Variants in SUN1 observed in about 807,000 individuals in gnomAD.
SUN1 encodes the protein SUN domain-containing protein 1.
SUN1 carries 61 observed loss-of-function variants against 103.2 expected under a neutral mutation model. The ratio of observed to expected loss-of-function variants is 0.59; its 90% CI spans 0.48 to 0.73. The LOEUF (loss-of-function observed/expected upper bound fraction) is 0.73. SUN1 is among the 30% of genes least tolerant of loss of function. The pLI, the probability that SUN1 is intolerant of heterozygous loss-of-function variation, is 0.00. For synonymous variants in SUN1, 490 were observed against 425.7 expected (o/e 1.15, Z -1.86); for missense variants, 1,052 against 1,034.6 (o/e 1.02, Z -0.23).
At chr7:816,082 C>G (rs566992533), upstream of SUN1, among the ~76,000 whole-genome samples, 78 of 150,700 alleles carry the variant, frequency 5.2e-4, no homozygotes, top group Non-Finnish European at 1.1e-3. Flanking sequence ...ACGCCCTCCC[C>G]CAGATGCACA....
chr7:852,530 T>A, intron 7 of SUN1, 79 bp from the exon 8 acceptor site: 1 of 1,580,260 alleles, frequency 6.3e-7, no homozygotes, highest in Non-Finnish European at 8.7e-7. Context: ...TTGCACAAAA[T>A]TATCTAGAGG....
Position 852,845 on chromosome 7 carries a change from T to C in SUN1, c.946T>C (p.Ser316Pro), listed in dbSNP as rs990569721. 6.2e-7 allele frequency: 1 copy of C among 1,613,728 alleles called. No individual in the cohort carries two copies. Among genetic ancestry groups the C allele is most frequent in the Admixed American group, 1.7e-5 (1 of 59,990 alleles). ...CTTACGGGGCCAGGGCAATTTCTTT[T>C]CGTTCTTGCCCGTGTTGAACTGGGC... ...LSLRGQGNFF[S>P]FLPVLNWASM... is the part of the protein sequence containing the mutation. The change falls in exon 9 of 19, where the codon TCG becomes CCG. Residue 316 changes from serine (S) to proline (P), a missense_variant. Transcript: ENST00000401592.
chr7:822,317 C>T (rs1299775963), intron 1 of SUN1, among the ~76,000 whole-genome samples: 1 of 152,124 alleles, frequency 6.6e-6, no homozygotes, highest in Non-Finnish European at 1.5e-5. Context: ...CATTTAGTCG[C>T]TTAGGGGCAT....
In SUN1 at chr7:873,308, G is replaced by C; in HGVS notation, c.2335G>C (p.Val779Leu). The C allele has an allele frequency of 1.2e-6, 2 of 1,614,156 alleles. No individual in the cohort carries two copies. The highest frequency in any genetic ancestry group is 1.7e-6 in the Non-Finnish European group (2 of 1,180,000). ...GTATACCTGTCTGTATCGGTTCAGAGTTCATGGCGAACCTGTCAAGTGAAG... is the reference window on the plus strand; with the variant it reads ...GTATACCTGTCTGTATCGGTTCAGACTTCATGGCGAACCTGTCAAGTGAAG... ...PEYTCLYRFR[V>L]HGEPVK The change falls in exon 19 of 19, where the codon GTT becomes CTT. Residue 779 changes from valine (V) to leucine (L), a missense_variant. Coordinates refer to ENST00000401592, the MANE Select transcript of SUN1 (RefSeq NM_001130965.3).
At chr7:828,776 G>C (rs1052809040), upstream of SUN1, among the ~76,000 whole-genome samples, 2 of 152,174 alleles carry the variant, frequency 1.3e-5, no homozygotes, top group African/African-American at 4.8e-5. Flanking sequence ...CTCTAGTGTC[G>C]ATGGCTCTCC....
intron 16 of SUN1, among the ~76,000 whole-genome samples, chr7:867,660 C>G (rs968548630): frequency 2.0e-5 from 3 of 152,212 alleles, no homozygotes; most frequent in Non-Finnish European, 2.9e-5. Flanking sequence ...TCACCAATCA[C>G]TGTGCTGGGA....
intron 1 of SUN1, among the ~76,000 whole-genome samples, chr7:824,864 G>T (rs536984153): frequency 2.0e-5 from 3 of 152,066 alleles, no homozygotes; most frequent in Admixed American, 2.0e-4. Context: ...CGGGTGCGGG[G>T]TGGGGGCGTC....
intron 1 of SUN1, 44 bp from the exon 2 acceptor site, chr7:838,754 G>A: frequency 6.9e-7 from 1 of 1,457,178 alleles, no homozygotes; most frequent in Non-Finnish European, 9.1e-7. Flanking sequence ...TTCAGAATGG[G>A]GGCTATAAGC....
intron 16 of SUN1, among the ~76,000 whole-genome samples, chr7:868,306 C>G (rs1049137775): frequency 1.3e-5 from 2 of 152,260 alleles, no homozygotes; most frequent in East Asian, 3.8e-4. Context: ...GCGAACAGTG[C>G]TCTCCGGTCA....
chr7:822,307 C>T (rs1035355111), intron 1 of SUN1, among the ~76,000 whole-genome samples: 1 of 152,182 alleles, frequency 6.6e-6, no homozygotes, highest in African/African-American at 2.4e-5. Context: ...CTTTGGTTTT[C>T]ATTTAGTCGC....
In SUN1 at chr7:843,237, T is replaced by C. The variant is rs1401149899; in HGVS notation, c.478+5T>C. The C allele has an allele frequency of 6.2e-7, 1 of 1,609,842 alleles. No individual in the cohort carries two copies. Among genetic ancestry groups the C allele is most frequent in the Admixed American group, 1.7e-5 (1 of 59,710 alleles). On this transcript the variant is annotated splice_donor_5th_base_variant and intron_variant, in intron 4 of 18. Transcript: ENST00000401592. ...ATGATGATGGTGATCTTAAAGGTAA[T>C]TATTTTAGTCCTTTTATCTTCATAT...
intron 1 of SUN1, chr7:817,639 C>T (rs1782046965): frequency 5.0e-6 from 5 of 1,009,890 alleles, no homozygotes; most frequent in Middle Eastern, 4.2e-4. Context: ...GTGCTTGCGG[C>T]TCTAATTGCT....
chr7:830,182 GC>G (rs1234077619), upstream of SUN1, among the ~76,000 whole-genome samples: 1 of 152,236 alleles, frequency 6.6e-6, no homozygotes. Flanking sequence ...TCACCTGGCA[GC>G]AGGCCTGTGG....
intron 15 of SUN1, among the ~76,000 whole-genome samples, chr7:863,235 C>G (rs1044408690): frequency 6.6e-6 from 1 of 151,510 alleles, no homozygotes; most frequent in Non-Finnish European, 1.5e-5. Flanking sequence ...CTCCCGAGCT[C>G]GCCCTTGCTG....
At position 832,533 on chromosome 7, in the gene SUN1, T is replaced by C. The variant is rs1449410009; in HGVS notation, c.9T>C (p.Phe3=). 1 of 1,613,368 alleles carries C rather than the reference T, an allele frequency of 6.2e-7. No homozygotes were observed. Among genetic ancestry groups the C allele is most frequent in the Non-Finnish European group, 8.5e-7 (1 of 1,179,632 alleles). Residue 3 remains phenylalanine, a synonymous_variant, in exon 1 of 19, where the codon TTT becomes TTC. Transcript: ENST00000401592. ...GGTTTGAAGTGGTGAACATGGATTT[T>C]TCTCGGCTTCACATGTACAGTCCTC... is the stretch of plus-strand genomic sequence containing the variant. MD[F]SRLHMYSPPQ...
intron 1 of SUN1, chr7:817,264 G>T: frequency 1.4e-6 from 1 of 706,314 alleles, no homozygotes; most frequent in Non-Finnish European, 2.4e-6. Context: ...CCGGCTGATA[G>T]TCGTATTTTT....
chr7:866,586 C>T (rs1431997662), intron 16 of SUN1, among the ~76,000 whole-genome samples: 2 of 137,928 alleles, frequency 1.5e-5, no homozygotes, highest in South Asian at 5.4e-4. Context: ...TGTCTCCCCA[C>T]CATCTCCCCG....
At chr7:832,396 G>A (rs569311693), upstream of SUN1, 25 of 885,060 alleles carry the variant, frequency 2.8e-5, no homozygotes, top group Middle Eastern at 4.3e-4. Flanking sequence ...TGAGTTTTGA[G>A]GGTGACCTGA....
intron 1 of SUN1, among the ~76,000 whole-genome samples, chr7:837,926 A>C (rs768846349): frequency 2.6e-5 from 4 of 152,266 alleles, no homozygotes; most frequent in Non-Finnish European, 5.9e-5. Flanking sequence ...GTCTGGCTTC[A>C]TAACAGTCAT....
Sources: gnomAD v4.1 joint callset for allele counts (sites outside exome capture counted in the v4.1 genomes callset) on GRCh38, gnomAD v4.1.1 for gene constraint, MANE v1.5 for transcripts, NCBI Gene and HGNC (gene_info 2026-07-23, HGNC 2026-07-21) for gene names.